The following GRK5 variants were observed in gnomAD, a reference collection of about 807,000 sequenced individuals.
GRK5 encodes G protein-coupled receptor kinase 5.
In GRK5, 40 loss-of-function variants were observed where a neutral mutation model predicts 78.4. That is an observed-to-expected ratio of 0.51 (90% CI 0.40 to 0.66). The LOEUF is 0.66. Ranked by LOEUF, GRK5 falls within the 30% of genes least tolerant of loss-of-function variation. The pLI is 0.00. For missense variants in GRK5, 598 were observed against 759.9 expected, an observed-to-expected ratio of 0.79 and a Z score of 2.50; for synonymous variants, 289 against 296.8, an observed-to-expected ratio of 0.97 and a Z score of 0.27.
chr10:119,430,544 AC>A lies in GRK5; in HGVS notation c.597+108del. The A allele has an allele frequency of 1.0e-6, 1 of 977,868 alleles. No individual in the cohort carries two copies. The highest frequency in any genetic ancestry group is 1.5e-5 in the South Asian group (1 of 66,522). 60.6% of individuals were successfully genotyped at this position (977,868 alleles called of 1,614,324 possible). A position where few individuals can be genotyped will look rare whatever the true frequency, so the allele number is the denominator to read the frequency against. On this transcript the variant is annotated intron_variant, in intron 7 of 15. Transcript: ENST00000392870. The surrounding 1 kb of genome is among the most constrained non-coding windows in gnomAD (Gnocchi z 4.5). Reference sequence around the variant, plus strand: ...GTTGGCCCACGGGTCCCCCGGGGGCACCAGTGGCTCAATGTGGGCCCCGGGG... The same window carrying A: ...GTTGGCCCACGGGTCCCCCGGGGGCACAGTGGCTCAATGTGGGCCCCGGGG...
intron 1 of GRK5, among the ~76,000 whole-genome samples, chr10:119,322,882 A>G (rs1308718678): frequency 6.6e-6 from 1 of 152,258 alleles, no homozygotes; most frequent in Non-Finnish European, 1.5e-5. Flanking sequence ...TATACGTAAT[A>G]GCTAAAAGGT....
intron 1 of GRK5, among the ~76,000 whole-genome samples, chr10:119,228,632 G>GA (rs1848779764): frequency 6.6e-6 from 1 of 151,910 alleles, no homozygotes; most frequent in South Asian, 2.1e-4. Flanking sequence ...GAGAAAAAAA[G>GA]AAAAAAGAAT....
intron 3 of GRK5, among the ~76,000 whole-genome samples, chr10:119,391,677 C>T (rs1851890677): frequency 6.6e-6 from 1 of 152,168 alleles, no homozygotes; most frequent in South Asian, 2.1e-4. Flanking sequence ...CCCACCACTC[C>T]ACCCCCACAG....
intron 2 of GRK5, among the ~76,000 whole-genome samples, chr10:119,357,996 ACAC>A (rs2133805931): frequency 6.6e-6 from 1 of 152,256 alleles, no homozygotes; most frequent in South Asian, 2.1e-4. Context: ...TGCATCAATC[ACAC>A]CCAAAGGGGA....
At chr10:119,424,886 G>A (rs1218262230) in intron 5 of GRK5, 107 bp from the exon 6 acceptor site, 5 of 785,830 alleles carry the variant, frequency 6.4e-6, no homozygotes, top group Admixed American at 1.8e-5. Flanking sequence ...ATCTGCATGG[G>A]TTGAGAGGCC....
chr10:119,273,645 A>G (rs1589715628), intron 1 of GRK5, among the ~76,000 whole-genome samples: 2 of 152,256 alleles, frequency 1.3e-5, no homozygotes, highest in East Asian at 3.9e-4. Context: ...CCCATGGGTC[A>G]CCTACTTTGC....
chr10:119,390,622 G>A (rs1465562293), intron 3 of GRK5, among the ~76,000 whole-genome samples: 1 of 152,184 alleles, frequency 6.6e-6, no homozygotes, highest in East Asian at 1.9e-4. Flanking sequence ...TTGAACCCAG[G>A]AGGCAGAGGT....
rs919182186 is a variant in GRK5, at chr10:119,379,258, A to G, written c.149-1557A>G. On this transcript the variant is annotated intron_variant, in intron 2 of 15. Coordinates refer to ENST00000392870, the MANE Select transcript of GRK5 (RefSeq NM_005308.3). This position sits in a 1 kb window ranked among gnomAD's most constrained non-coding sequence, Gnocchi z 4.1. ...GGTCTGCTTACCGTCCGCAGTTTAC[A>G]GACTAGACAACTGAGGGGCAGTGTC... Among the ~76,000 whole-genome samples the G allele has an allele frequency of 3.3e-5, 5 of 152,172 alleles. No individual in the cohort carries two copies. Among genetic ancestry groups the G allele is most frequent in the African/African-American group, 1.2e-4 (5 of 41,434 alleles).
chr10:119,207,700 G>A lies in GRK5; in HGVS notation c.-218G>A, dbSNP rs1848407652. The stretch of plus-strand genomic sequence containing the variant: ...GGGGGGAGGGGGGACACAGAGGGAG[G>A]AAGAAGCGGCGGCGGCGGCGGCGGC... On this transcript the variant is annotated 5_prime_UTR_variant, in exon 1 of 16. Transcript: ENST00000392870. The A allele has an allele frequency of 5.0e-6, 2 of 399,660 alleles. No individual in the cohort carries two copies. The highest frequency in any genetic ancestry group is 8.1e-6 in the Non-Finnish European group (2 of 246,214). 24.8% of individuals were successfully genotyped at this position (399,660 alleles called of 1,614,324 possible).
At chr10:119,272,696 C>T (rs950271489) in intron 1 of GRK5, among the ~76,000 whole-genome samples, 1 of 152,008 alleles carries the variant, frequency 6.6e-6, no homozygotes, top group Non-Finnish European at 1.5e-5. Context: ...TTGGGCGGGG[C>T]CTAGCACAGA....
At chr10:119,375,413 C>A (rs1216918984) in intron 2 of GRK5, among the ~76,000 whole-genome samples, 1 of 152,200 alleles carries the variant, frequency 6.6e-6, no homozygotes, top group African/African-American at 2.4e-5. Flanking sequence ...AGTGTGCTCT[C>A]CATGGCCACC....
At chr10:119,401,169 G>A (rs1378006659) in intron 4 of GRK5, among the ~76,000 whole-genome samples, 1 of 152,184 alleles carries the variant, frequency 6.6e-6, no homozygotes, top group African/African-American at 2.4e-5. Context: ...CACGCTTGGC[G>A]AGCTCACATC....
intron 1 of GRK5, among the ~76,000 whole-genome samples, chr10:119,260,367 G>A (rs957561338): frequency 3.9e-5 from 5 of 128,970 alleles, no homozygotes; most frequent in Admixed American, 1.7e-4. Context: ...ATATTTAACC[G>A]TCTGCTTTTT....
intron 2 of GRK5, among the ~76,000 whole-genome samples, chr10:119,353,484 G>A (rs2133800800): frequency 6.6e-6 from 1 of 152,340 alleles, no homozygotes; most frequent in South Asian, 2.1e-4. Flanking sequence ...GTCCTGGAGA[G>A]CCTCTCCTTG....
chr10:119,428,708 T>A (rs569762999), intron 6 of GRK5, among the ~76,000 whole-genome samples: 1 of 152,342 alleles, frequency 6.6e-6, no homozygotes, highest in African/African-American at 2.4e-5. Context: ...GAAATTATCC[T>A]TTTTACTCTG....
Position 119,271,318 on chromosome 10 carries a change from C to T in GRK5, c.53-55198C>T, listed in dbSNP as rs1849580266. Among the ~76,000 whole-genome samples the T allele has an allele frequency of 6.6e-6, 1 of 152,240 alleles. No homozygotes were observed. The highest frequency in any genetic ancestry group is 6.5e-5 in the Admixed American group (1 of 15,286). The stretch of plus-strand genomic sequence containing the variant: ...TCGAGCTGCCAACACAATCAAGGGT[C>T]TGCAGGTTTGGGAACTCCAAGGCAG... On this transcript the variant is annotated intron_variant, in intron 1 of 15. Coordinates refer to ENST00000392870, the MANE Select transcript of GRK5 (RefSeq NM_005308.3). This position sits in a 1 kb window ranked among gnomAD's most constrained non-coding sequence, Gnocchi z 4.1.
chr10:119,263,540 T>G (rs1849444908), intron 1 of GRK5, among the ~76,000 whole-genome samples: 1 of 152,200 alleles, frequency 6.6e-6, no homozygotes, highest in Non-Finnish European at 1.5e-5. Context: ...TGTCTCAGTG[T>G]CCTTGGACAA....
intron 1 of GRK5, among the ~76,000 whole-genome samples, chr10:119,293,972 G>A (rs1020304737): frequency 5.9e-5 from 9 of 152,242 alleles, no homozygotes; most frequent in Admixed American, 5.9e-4. Flanking sequence ...TGGGAGCTGA[G>A]CATTTTCAAC....
At chr10:119,304,358 C>T (rs995556783) in intron 1 of GRK5, among the ~76,000 whole-genome samples, 4 of 139,092 alleles carry the variant, frequency 2.9e-5, no homozygotes, top group African/African-American at 1.1e-4. Context: ...GGCATGATCT[C>T]AGCTCACTGC....
Sources: allele counts gnomAD v4.1 joint callset (sites outside exome capture counted in the v4.1 genomes callset), GRCh38; gene constraint gnomAD v4.1.1; non-coding constraint Gnocchi (gnomAD v3.1); transcripts MANE v1.5; gene names NCBI Gene and HGNC (gene_info 2026-07-23, HGNC 2026-07-21).